Variants in NLRX1 observed in about 807,000 individuals in gnomAD.
NLRX1 encodes NOD-like receptor X1.
NLRX1 carries 67 observed loss-of-function variants against 74.2 expected under a neutral mutation model. The ratio of observed to expected loss-of-function variants is 0.90; its 90% CI spans 0.74 to 1.11. The LOEUF (loss-of-function observed/expected upper bound fraction) is 1.11. NLRX1 is among the 50% of genes least tolerant of loss of function. The pLI is 0.00. For synonymous variants in NLRX1, 506 were observed against 559.1 expected (o/e 0.91, Z 1.34); for missense variants, 1,191 against 1,305.4 (o/e 0.91, Z 1.35).
At position 119,174,441 on chromosome 11, in the gene NLRX1, T is replaced by C. The variant is rs779995149; in HGVS notation, c.850-12T>C. 1 of 1,609,990 alleles carries C rather than the reference T, an allele frequency of 6.2e-7. No homozygotes were observed. The highest frequency in any genetic ancestry group is 8.5e-7 in the Non-Finnish European group (1 of 1,177,390). ...TAAGGTCTTTCTTAACTCTCAACCATGCTCTTCCCAGGCCAGCATTCTGGT... is the reference window on the plus strand; with the variant it reads ...TAAGGTCTTTCTTAACTCTCAACCACGCTCTTCCCAGGCCAGCATTCTGGT... On this transcript the variant is annotated splice_polypyrimidine_tract_variant and intron_variant, in intron 5 of 9. Transcript: ENST00000409109.
intron 6 of NLRX1, among the ~76,000 whole-genome samples, chr11:119,177,285 T>C (rs1369447943): frequency 3.3e-5 from 5 of 151,260 alleles, no homozygotes; most frequent in Non-Finnish European, 5.9e-5. Context: ...TTTCTCCATG[T>C]TGGCCAGACT....
chr11:119,169,854 G>A (rs1347360508), intron 1 of NLRX1, among the ~76,000 whole-genome samples: 1 of 152,022 alleles, frequency 6.6e-6, no homozygotes, highest in African/African-American at 2.4e-5. Context: ...AAATTAGCCA[G>A]GTGTGGTGGC....
chr11:119,173,836 C>A lies in NLRX1; in HGVS notation c.587C>A (p.Pro196His). 3 of 1,613,648 alleles carry A rather than the reference C, an allele frequency of 1.9e-6. No homozygotes were observed. In the South Asian group the frequency reaches 3.3e-5, roughly 18 times the overall value. Residue 196 changes from proline to histidine, a missense_variant, in exon 5 of 10, where the codon CCC becomes CAC. Transcript: ENST00000409109. The surrounding 1 kb of genome is among the most constrained non-coding windows in gnomAD (Gnocchi z 4.0). ...CTGCCGGCCTTCGAGCTGCTCATCC[C>A]CTTCTCCTGTGAGGACCTGTCATCC... The part of the protein sequence containing the change: ...GRLPAFELLI[P>H]FSCEDLSSLG...
chr11:119,171,692 C>A (rs1020446194), intron 2 of NLRX1, among the ~76,000 whole-genome samples: 1 of 152,090 alleles, frequency 6.6e-6, no homozygotes, highest in Non-Finnish European at 1.5e-5. Context: ...GTGGCTCATG[C>A]CTGTAATCCT....
chr11:119,182,562 C>T (rs1051962728), intron 9 of NLRX1, among the ~76,000 whole-genome samples: 1 of 152,176 alleles, frequency 6.6e-6, no homozygotes, highest in Non-Finnish European at 1.5e-5. Flanking sequence ...ACCATTTCTC[C>T]TAAAGCCCTA....
At chr11:119,170,717 C>T (rs1221185749) in intron 1 of NLRX1, among the ~76,000 whole-genome samples, 9 of 152,202 alleles carry the variant, frequency 5.9e-5, no homozygotes, top group African/African-American at 1.9e-4. Flanking sequence ...CACAGAAAAG[C>T]CACTGAAAAT....
chr11:119,179,414 C>G (rs1348176384), intron 6 of NLRX1, among the ~76,000 whole-genome samples: 1 of 151,874 alleles, frequency 6.6e-6, no homozygotes, highest in Non-Finnish European at 1.5e-5. Flanking sequence ...GCTAGGGAGC[C>G]CAGAAGTTCA....
chr11:119,180,631 G>A (rs1948813102), intron 7 of NLRX1, among the ~76,000 whole-genome samples: 2 of 151,228 alleles, frequency 1.3e-5, no homozygotes, highest in African/African-American at 4.9e-5. Flanking sequence ...AACCTGGGAG[G>A]CGGAGGTTGC....
intron 5 of NLRX1, 123 bp from the exon 6 acceptor site, chr11:119,174,324 GCTAGTT>G: frequency 9.2e-7 from 1 of 1,081,268 alleles, no homozygotes; most frequent in Non-Finnish European, 1.3e-6. Context: ...TTCAGTAATT[GCTAGTT>G]ATAACTGTTA....
Position 119,173,457 on chromosome 11 carries a change from T to A in NLRX1, c.230-22T>A. 1.2e-6 allele frequency: 2 copies of A among 1,604,494 alleles called. No homozygotes were observed. The highest frequency in any genetic ancestry group is 1.7e-6 in the Non-Finnish European group (2 of 1,175,754). On this transcript the variant is annotated intron_variant, in intron 4 of 9. Transcript: ENST00000409109. The surrounding 1 kb of genome is among the most constrained non-coding windows in gnomAD (Gnocchi z 4.0). ...TCTCCAGGCCCCTTTCCCTGACACA[T>A]TTCCCTTATCTTCCCACTCAGAAGC...
At chr11:119,182,701 A>G (rs1948870403) in intron 9 of NLRX1, among the ~76,000 whole-genome samples, 1 of 152,124 alleles carries the variant, frequency 6.6e-6, no homozygotes, top group Non-Finnish European at 1.5e-5. Context: ...AGTCTGGCCA[A>G]CATGGTGAAA....
Position 119,173,427 on chromosome 11 carries a change from C to T in NLRX1, c.230-52C>T, listed in dbSNP as rs1948603498. 2.5e-6 allele frequency: 4 copies of T among 1,575,096 alleles called. No individual in the cohort carries two copies. ...CACCACCGCCCTGATTGGCCCTAAGCTACATCTCCAGGCCCCTTTCCCTGA... is the reference window on the plus strand; with the variant it reads ...CACCACCGCCCTGATTGGCCCTAAGTTACATCTCCAGGCCCCTTTCCCTGA... On this transcript the variant is annotated intron_variant, in intron 4 of 9. Coordinates refer to ENST00000409109, the MANE Select transcript of NLRX1 (RefSeq NM_001282144.2). The surrounding 1 kb of genome is among the most constrained non-coding windows in gnomAD (Gnocchi z 4.0).
chr11:119,173,735 G>T lies in NLRX1; in HGVS notation c.486G>T (p.Val162=), dbSNP rs1420979389. 1 of 1,613,846 alleles carries T rather than the reference G, an allele frequency of 6.2e-7. No individual in the cohort carries two copies. ...CCTGTGGGCGCCGGGTGCAGACAGT[G>T]GTGCTGTATGGGACAGTGGGCACAG... The part of the protein sequence containing the change: ...PDACGRRVQT[V]VLYGTVGTGK... The change falls in exon 5 of 10, where the codon GTG becomes GTT. Residue 162 remains valine, a synonymous_variant. Coordinates refer to ENST00000409109, the MANE Select transcript of NLRX1 (RefSeq NM_001282144.2). The surrounding 1 kb of genome is among the most constrained non-coding windows in gnomAD (Gnocchi z 4.0).
At position 119,171,416 on chromosome 11, in the gene NLRX1, C is replaced by CA. The variant is rs1948544777; in HGVS notation, c.14dup (p.His5GlnfsTer13). 1 of 1,613,924 alleles carries CA rather than the reference C, an allele frequency of 6.2e-7. No individual in the cohort carries two copies. The highest frequency in any genetic ancestry group is 2.2e-5 in the East Asian group (1 of 44,870). On this transcript the variant is annotated frameshift_variant, in exon 2 of 10. Transcript: ENST00000409109. LOFTEE classifies it high-confidence loss of function. ...CTTCTTTCCCAGGATGAGGTGGGGCCACCATTTGCCCAGGGCCTCTTGGGG... is the reference window on the plus strand; with the variant it reads ...CTTCTTTCCCAGGATGAGGTGGGGCCAACCATTTGCCCAGGGCCTCTTGGGG...
At chr11:119,179,578 G>C in intron 6 of NLRX1, 115 bp from the exon 7 acceptor site, 1 of 875,700 alleles carries the variant, frequency 1.1e-6, no homozygotes, top group Non-Finnish European at 1.8e-6. Flanking sequence ...ATTATGCTAA[G>C]TTCAAGGGGA....
Position 119,174,927 on chromosome 11 carries a change from A to G in NLRX1, c.1324A>G (p.Thr442Ala), listed in dbSNP as rs766162160. 6 of 1,613,892 alleles carry G rather than the reference A, an allele frequency of 3.7e-6. No individual in the cohort carries two copies. In the African/African-American group the frequency reaches 8.0e-5, roughly 22 times the overall value. ...LAYEGVSSRKTYFSEEDVCGC... is the reference protein window; with the variant it reads ...LAYEGVSSRKAYFSEEDVCGC... ...CTATGAGGGGGTGTCCTCCCGCAAG[A>G]CCTACTTCTCTGAAGAGGATGTCTG... Residue 442 changes from threonine (T) to alanine (A), a missense_variant, in exon 6 of 10, where the codon ACC becomes GCC. Coordinates refer to ENST00000409109, the MANE Select transcript of NLRX1 (RefSeq NM_001282144.2).
chr11:119,179,839 C>T lies in NLRX1; in HGVS notation c.1818C>T (p.Gly606=), dbSNP rs770011498. 1.2e-6 allele frequency: 2 copies of T among 1,613,750 alleles called. No individual in the cohort carries two copies. Among genetic ancestry groups the T allele is most frequent in the African/African-American group, 1.3e-5 (1 of 74,958 alleles). ...QMGASILGVE[G]PRRHPDEPPE... ...GCGCCAGTATCCTGGGCGTGGAGGG[C>T]CCCCGGCGCCACCCAGATGAGCCCC... Residue 606 remains glycine (G), a synonymous_variant, in exon 7 of 10, where the codon GGC becomes GGT. Transcript: ENST00000409109.
chr11:119,177,130 G>A (rs773644292), intron 6 of NLRX1, among the ~76,000 whole-genome samples: 11 of 151,908 alleles, frequency 7.2e-5, no homozygotes, highest in Non-Finnish European at 1.5e-4. Flanking sequence ...CGCCCAGGCT[G>A]GAGTGCAGTG....
Position 119,183,701 on chromosome 11 carries a change from A to T in NLRX1, c.*262A>T. 1 of 763,504 alleles carries T rather than the reference A, an allele frequency of 1.3e-6. No individual in the cohort carries two copies. The highest frequency in any genetic ancestry group is 2.3e-4 in the Middle Eastern group (1 of 4,430). The allele number at this position is 763,504 out of a possible 1,614,324, so 47.3% of individuals were successfully genotyped here. On this transcript the variant is annotated 3_prime_UTR_variant, in exon 10 of 10. Coordinates refer to ENST00000409109, the MANE Select transcript of NLRX1 (RefSeq NM_001282144.2). The surrounding 1 kb of genome is among the most constrained non-coding windows in gnomAD (Gnocchi z 5.7). The stretch of plus-strand genomic sequence containing the variant: ...TCCATTCAGCTAGAAGGACCAAAGC[A>T]TGTGGCATTTGGATGGCCAGAGTGC...
Sources: gnomAD v4.1 joint callset for allele counts (sites outside exome capture counted in the v4.1 genomes callset) on GRCh38, gnomAD v4.1.1 for gene constraint, Gnocchi (gnomAD v3.1) non-coding constraint, MANE v1.5 for transcripts, NCBI Gene and HGNC (gene_info 2026-07-23, HGNC 2026-07-21) for gene names.